The following HCN1 variants were observed in gnomAD, a reference collection of about 807,000 sequenced individuals.
HCN1 encodes the protein potassium/sodium hyperpolarization-activated cyclic nucleotide-gated channel 1.
HCN1 carries 13 observed loss-of-function variants against 78.9 expected under a neutral mutation model. The ratio of observed to expected loss-of-function variants is 0.16; its 90% confidence interval spans 0.11 to 0.26. The LOEUF (loss-of-function observed/expected upper bound fraction) is 0.26, where lower values mean the gene tolerates loss of function less well. HCN1 is among the 10% of genes least tolerant of loss of function. The pLI, the probability that HCN1 is intolerant of heterozygous loss-of-function variation, is 1.00. For synonymous variants in HCN1, 552 were observed against 455.5 expected, an observed-to-expected ratio of 1.21 and a Z score of -2.70; for missense variants, 810 against 1,154.3, an observed-to-expected ratio of 0.70 and a Z score of 4.32.
chr5:45,375,802 T>C (rs1339428208), intron 4 of HCN1, among the ~76,000 whole-genome samples: 58 of 119,394 alleles, frequency 4.9e-4, no homozygotes, highest in African/African-American at 1.9e-3. Flanking sequence ...TTATGATATA[T>C]CTTATATATA....
intron 2 of HCN1, among the ~76,000 whole-genome samples, chr5:45,526,914 T>C (rs1241268276): frequency 6.6e-6 from 1 of 151,552 alleles, no homozygotes; most frequent in African/African-American, 2.4e-5. Flanking sequence ...CTCCATCTTA[T>C]TTCCTCCAAT....
chr5:45,657,180 C>A (rs1307397258), intron 1 of HCN1, among the ~76,000 whole-genome samples: 1 of 152,108 alleles, frequency 6.6e-6, no homozygotes, highest in Non-Finnish European at 1.5e-5. Context: ...GAGCAATTCA[C>A]ACCAATCCTA....
rs151005906 is a variant in HCN1 at position 45,479,086 on chromosome 5, C to T, written c.850-17079G>A. Among the ~76,000 whole-genome samples, 684 of 151,202 alleles carry T rather than the reference C, an allele frequency of 4.5e-3. 6 individuals carry two copies. The highest frequency in any genetic ancestry group is 0.016 in the African/African-American group (665 of 41,084). ...AGGTTGCAGTGAACAGAGATCATGC[C>T]ACTGCACTCCAGCCTGGGCTACAGA... is the stretch of plus-strand genomic sequence containing the variant. On this transcript the variant is annotated intron_variant, in intron 2 of 7. Transcript: ENST00000303230.
At chr5:45,637,103 A>T (rs971808821) in intron 2 of HCN1, among the ~76,000 whole-genome samples, 2 of 152,142 alleles carry the variant, frequency 1.3e-5, no homozygotes, top group African/African-American at 4.8e-5. Flanking sequence ...GAAGTTGATT[A>T]ATTTTTCCAT....
At chr5:45,674,804 AG>A (rs1746233179) in intron 1 of HCN1, among the ~76,000 whole-genome samples, 1 of 151,718 alleles carries the variant, frequency 6.6e-6, no homozygotes, top group African/African-American at 2.4e-5. Flanking sequence ...GGCTGGGTGT[AG>A]TGGCTCACTC....
intron 1 of HCN1, among the ~76,000 whole-genome samples, chr5:45,655,980 T>C (rs967518123): frequency 6.6e-6 from 1 of 152,134 alleles, no homozygotes; most frequent in Admixed American, 6.5e-5. Context: ...ACACAGCAGG[T>C]ATTGTTCTAA....
chr5:45,585,173 T>C lies in HCN1; in HGVS notation c.849+60012A>G, dbSNP rs535562002. The stretch of plus-strand genomic sequence containing the variant: ...GTCACTTTCAGGTACACCAATCAGA[T>C]GTAGATTTGGCCTTTTCACATAGTC... On this transcript the variant is annotated intron_variant, in intron 2 of 7. Transcript: ENST00000303230. Among the ~76,000 whole-genome samples, 28 of 152,316 alleles carry C rather than the reference T, an allele frequency of 1.8e-4. 1 individual carries two copies. The highest frequency in any genetic ancestry group is 6.7e-4 in the African/African-American group (28 of 41,582).
At chr5:45,543,868 C>T (rs541440602) in intron 2 of HCN1, among the ~76,000 whole-genome samples, 1 of 152,014 alleles carries the variant, frequency 6.6e-6, no homozygotes, top group South Asian at 2.1e-4. Flanking sequence ...ATACTCTTGC[C>T]TAAATAATTC....
At chr5:45,635,683 G>A (rs1488279289) in intron 2 of HCN1, among the ~76,000 whole-genome samples, 40 of 152,116 alleles carry the variant, frequency 2.6e-4, no homozygotes, top group East Asian at 1.9e-4. Context: ...ACTAAGACAC[G>A]ACTCATCTGA....
intron 2 of HCN1, among the ~76,000 whole-genome samples, chr5:45,608,097 A>C (rs1027986893): frequency 6.6e-6 from 1 of 151,950 alleles, no homozygotes; most frequent in African/African-American, 2.4e-5. Flanking sequence ...TTTAGAAGTG[A>C]AAGTTAAAAT....
At chr5:45,282,721 T>C (rs1425085257) in intron 6 of HCN1, among the ~76,000 whole-genome samples, 1 of 152,184 alleles carries the variant, frequency 6.6e-6, no homozygotes, top group African/African-American at 2.4e-5. Context: ...CTTCATTCTG[T>C]GTTATGGGAA....
chr5:45,544,746 C>T (rs1161352908), intron 2 of HCN1, among the ~76,000 whole-genome samples: 5 of 151,952 alleles, frequency 3.3e-5, no homozygotes, highest in Non-Finnish European at 5.9e-5. Flanking sequence ...TGATGGTTTC[C>T]AGCTCATCCA....
intron 2 of HCN1, among the ~76,000 whole-genome samples, chr5:45,505,130 CT>C (rs1742272197): frequency 6.6e-6 from 1 of 152,060 alleles, no homozygotes; most frequent in African/African-American, 2.4e-5. Flanking sequence ...TCAATTTTGG[CT>C]TTTGTTGCCA....
chr5:45,322,477 C>A (rs1404864526), intron 5 of HCN1, among the ~76,000 whole-genome samples: 2 of 151,736 alleles, frequency 1.3e-5, no homozygotes, highest in Non-Finnish European at 2.9e-5. Flanking sequence ...TGCTTGAGAC[C>A]AGAAATGTGG....
chr5:45,683,472 A>G (rs1011674656), intron 1 of HCN1, among the ~76,000 whole-genome samples: 7 of 152,130 alleles, frequency 4.6e-5, no homozygotes, highest in Non-Finnish European at 8.8e-5. Context: ...CTTTCACCCA[A>G]GTATATTTCT....
chr5:45,680,521 A>G (rs1348130837), intron 1 of HCN1, among the ~76,000 whole-genome samples: 1 of 152,144 alleles, frequency 6.6e-6, no homozygotes, highest in East Asian at 1.9e-4. Context: ...TTCAAATCCA[A>G]TAAAAAGAGT....
At chr5:45,325,521 G>A (rs181093615) in intron 5 of HCN1, among the ~76,000 whole-genome samples, 4 of 151,648 alleles carry the variant, frequency 2.6e-5, no homozygotes, top group African/African-American at 4.8e-5. Flanking sequence ...TAAATTTGGA[G>A]GGCAAATTAT....
intron 2 of HCN1, among the ~76,000 whole-genome samples, chr5:45,601,696 C>A (rs1744628754): frequency 6.6e-6 from 1 of 152,108 alleles, no homozygotes; most frequent in Non-Finnish European, 1.5e-5. Flanking sequence ...GGCATTCTAA[C>A]TACTGCACTA....
chr5:45,271,862 A>ACTT (rs1471878780), intron 6 of HCN1, among the ~76,000 whole-genome samples: 3 of 152,122 alleles, frequency 2.0e-5, no homozygotes, highest in African/African-American at 7.2e-5. Flanking sequence ...TATATAAAGG[A>ACTT]CTTTGTTCAT....
Sources: allele counts gnomAD v4.1 joint callset (sites outside exome capture counted in the v4.1 genomes callset), GRCh38; gene constraint gnomAD v4.1.1; transcripts MANE v1.5; gene names NCBI Gene and HGNC (gene_info 2026-07-23, HGNC 2026-07-21).